The following ADCY2 variants were observed in gnomAD, a reference collection of about 807,000 sequenced individuals.
ADCY2 encodes adenylate cyclase type 2.
A neutral mutation model predicts 125.2 loss-of-function variants in ADCY2; 31 were observed. That is an observed-to-expected ratio of 0.25 (90% CI 0.19 to 0.33). The LOEUF is 0.33. Among genes scored for constraint, ADCY2 ranks in the 10% least tolerant of loss-of-function variants. The pLI is 1.00. For synonymous variants in ADCY2, 512 were observed against 548.4 expected, an observed-to-expected ratio of 0.93 and a Z score of 0.93; for missense variants, 904 against 1,418.2, an observed-to-expected ratio of 0.64 and a Z score of 5.82.
At chr5:7,824,884 A>T (rs938755632) in intron 24 of ADCY2, among the ~76,000 whole-genome samples, 2 of 152,170 alleles carry the variant, frequency 1.3e-5, no homozygotes, top group Non-Finnish European at 2.9e-5. Flanking sequence ...CTCTGCCCCA[A>T]CAGTGATGTC....
chr5:7,522,786 C>T (rs1228679562), intron 3 of ADCY2, among the ~76,000 whole-genome samples: 5 of 140,960 alleles, frequency 3.5e-5, no homozygotes, highest in Admixed American at 7.2e-5. Context: ...ATTAGCCGGG[C>T]GTGGTGGTGG....
At chr5:7,558,418 T>A (rs1735603765) in intron 3 of ADCY2, among the ~76,000 whole-genome samples, 1 of 152,214 alleles carries the variant, frequency 6.6e-6, no homozygotes, top group Admixed American at 6.5e-5. Flanking sequence ...GGTTTTGATT[T>A]GCATTTCTCT....
intron 3 of ADCY2, among the ~76,000 whole-genome samples, chr5:7,623,439 G>A (rs917740442): frequency 2.6e-5 from 4 of 152,164 alleles, no homozygotes; most frequent in African/African-American, 9.7e-5. Context: ...AGAATTTTTA[G>A]TAAAGCAGAT....
At chr5:7,525,031 C>A (rs1336534412) in intron 3 of ADCY2, among the ~76,000 whole-genome samples, 1 of 152,022 alleles carries the variant, frequency 6.6e-6, no homozygotes, top group Admixed American at 6.6e-5. Context: ...GAGATGGAGT[C>A]TCGCTCTGTC....
At chr5:7,476,772 G>T (rs753535253) in intron 2 of ADCY2, among the ~76,000 whole-genome samples, 15 of 152,272 alleles carry the variant, frequency 9.9e-5, no homozygotes, top group Non-Finnish European at 1.9e-4. Context: ...ATTTCAAAAA[G>T]TTCCACTGCT....
At chr5:7,407,810 C>T (rs1739556663) in intron 1 of ADCY2, among the ~76,000 whole-genome samples, 1 of 151,818 alleles carries the variant, frequency 6.6e-6, no homozygotes, top group Admixed American at 6.6e-5. Flanking sequence ...AGACTTGCCT[C>T]ACTGTTGCCT....
chr5:7,595,060 C>G (rs1362977158), intron 3 of ADCY2, among the ~76,000 whole-genome samples: 1 of 152,082 alleles, frequency 6.6e-6, no homozygotes, highest in African/African-American at 2.4e-5. Flanking sequence ...TTTCTTTGTC[C>G]TTCAAGGCAA....
At chr5:7,589,514 A>AAAGAAAGAAAAGAAAAGAAAAG in intron 3 of ADCY2, among the ~76,000 whole-genome samples, 2 of 72,076 alleles carry the variant, frequency 2.8e-5, no homozygotes, top group Admixed American at 1.2e-4. Context: ...AAGAAAGAAA[A>AAAGAAAGAAAAGAAAAGAAAAG]GAAAAGAAAG....
chr5:7,677,200 C>T (rs897125657), intron 4 of ADCY2, among the ~76,000 whole-genome samples: 5 of 152,044 alleles, frequency 3.3e-5, no homozygotes, highest in African/African-American at 4.8e-5. Flanking sequence ...ATCGCTTGAA[C>T]GCAGGAGGTG....
intron 2 of ADCY2, among the ~76,000 whole-genome samples, chr5:7,493,510 A>T (rs1258073128): frequency 6.6e-6 from 1 of 152,184 alleles, no homozygotes; most frequent in African/African-American, 2.4e-5. Context: ...TGGACAAGGA[A>T]TAAATAATTG....
rs1031097483 is a variant in ADCY2 at position 7,828,376 on chromosome 5, C to G, written c.*1505C>G. On this transcript the variant is annotated 3_prime_UTR_variant, in exon 25 of 25. Coordinates refer to ENST00000338316, the MANE Select transcript of ADCY2 (RefSeq NM_020546.3). The stretch of plus-strand genomic sequence containing the variant: ...TGGCTGTGTGACTTTGAACACATCT[C>G]TTAGTCCCTCTTAGGAGTACTTTCC... 2.6e-5 allele frequency: 4 copies of G among 152,216 alleles called. No homozygotes were observed. Among genetic ancestry groups the G allele is most frequent in the Non-Finnish European group, 5.9e-5 (4 of 68,030 alleles). 9.4% of individuals were successfully genotyped at this position (152,216 alleles called of 1,614,324 possible).
chr5:7,672,451 GT>G (rs1383342031), intron 4 of ADCY2, among the ~76,000 whole-genome samples: 1 of 151,932 alleles, frequency 6.6e-6, no homozygotes, highest in African/African-American at 2.4e-5. Context: ...CCTGCCACCT[GT>G]TTTTATGTGG....
At chr5:7,673,739 G>T (rs1243653027) in intron 4 of ADCY2, among the ~76,000 whole-genome samples, 3 of 152,162 alleles carry the variant, frequency 2.0e-5, no homozygotes, top group African/African-American at 4.8e-5. Flanking sequence ...GGCAAGAGGT[G>T]GGGGACAGGG....
chr5:7,455,753 TA>T (rs899261941), intron 2 of ADCY2, among the ~76,000 whole-genome samples: 5 of 147,116 alleles, frequency 3.4e-5, no homozygotes, highest in South Asian at 2.1e-4. Flanking sequence ...ATGTGTTATA[TA>T]AAAATATATA....
chr5:7,535,264 A>G (rs2126552013), intron 3 of ADCY2, among the ~76,000 whole-genome samples: 1 of 152,230 alleles, frequency 6.6e-6, no homozygotes, highest in African/African-American at 2.4e-5. Context: ...GCTGGTCTTG[A>G]ACTCCTGACC....
chr5:7,661,772 A>G (rs1739541425), intron 4 of ADCY2, among the ~76,000 whole-genome samples: 1 of 152,194 alleles, frequency 6.6e-6, no homozygotes, highest in South Asian at 2.1e-4. Flanking sequence ...TTTTAAGCAA[A>G]TGGATTTAAG....
At chr5:7,797,277 G>A (rs374732447) in intron 20 of ADCY2, 38 of 152,300 alleles carry the variant, frequency 2.5e-4, no homozygotes, top group African/African-American at 8.9e-4. Flanking sequence ...CTCGGGAAAC[G>A]TGGACGATCC....
intron 15 of ADCY2, among the ~76,000 whole-genome samples, chr5:7,749,519 T>C (rs943431158): frequency 2.0e-5 from 3 of 152,332 alleles, no homozygotes; most frequent in African/African-American, 7.2e-5. Flanking sequence ...CTAGTTGTCA[T>C]TGTAGCAGTA....
intron 2 of ADCY2, among the ~76,000 whole-genome samples, chr5:7,483,970 C>T (rs28564946): frequency 0.047 from 7,184 of 152,122 alleles, 251 homozygotes; most frequent in African/African-American, 0.086. Flanking sequence ...TATTGAGCTC[C>T]GATTGATACT....
Sources: gnomAD v4.1 joint callset for allele counts (sites outside exome capture counted in the v4.1 genomes callset) on GRCh38, gnomAD v4.1.1 for gene constraint, MANE v1.5 for transcripts, NCBI Gene and HGNC (gene_info 2026-07-23, HGNC 2026-07-21) for gene names.